Variants in EME2 observed in about 807,000 individuals in gnomAD.
The protein encoded by EME2 is essential meiotic structure-specific endonuclease subunit 2, also known as structure-specific endonuclease subunit EME2.
In EME2, 58 loss-of-function variants were observed where a neutral mutation model predicts 41.9. That is an observed-to-expected ratio of 1.38 (90% CI 1.12 to 1.72). The LOEUF is 1.72. Among genes scored for constraint, EME2 ranks in the 40% most tolerant of loss-of-function variants. EME2 has a pLI of 0.00. For synonymous variants in EME2, 334 were observed against 239.3 expected (o/e 1.40, Z -3.65); for missense variants, 695 against 541.9 (o/e 1.28, Z -2.81).
rs772885888 is a variant in EME2, at chr16:1,775,326, A to C, written c.581A>C (p.His194Pro). The C allele has an allele frequency of 7.5e-6, 12 of 1,610,304 alleles. No homozygotes were observed. The highest frequency in any genetic ancestry group is 9.3e-6 in the Non-Finnish European group (11 of 1,179,988). ...GLDAYLWSRQ[H>P]VSRGTQQPES... ...TCACCTCTGCTCAGGTCTCGCCAGC[A>C]CGTTTCCCGGGGGACACAGCAGCCA... The change falls in exon 5 of 8, where the codon CAC becomes CCC. Residue 194 changes from histidine (H) to proline (P), a missense_variant. By Grantham distance (77) the His-to-Pro change is moderately conservative (BLOSUM62 -2). Coordinates refer to ENST00000568449, the MANE Select transcript of EME2 (RefSeq NM_001257370.2).
At chr16:1,774,830 G>A (rs1353009576) in intron 3 of EME2, 6 of 628,160 alleles carry the variant, frequency 9.6e-6, no homozygotes, top group East Asian at 2.6e-5. Flanking sequence ...ACATGTGCCC[G>A]AGCAGCCACT....
chr16:1,774,132 T>TAGAGC, intron 2 of EME2, 128 bp from the exon 3 acceptor site: 1 of 856,592 alleles, frequency 1.2e-6, no homozygotes, highest in East Asian at 2.5e-5. Context: ...TGGGCTTCTG[T>TAGAGC]AGAGCAGGCC....
chr16:1,781,200 G>A lies in EME2; in HGVS notation c.*4962G>A, dbSNP rs181744265. On this transcript the variant is annotated 3_prime_UTR_variant, in exon 8 of 8. Coordinates refer to ENST00000568449, the MANE Select transcript of EME2 (RefSeq NM_001257370.2). The stretch of plus-strand genomic sequence containing the variant: ...CAAATTAAAGAGTCTTACTGAATGC[G>A]GTGCATCCAGGAGACAGGCCCAGGT... The A allele has an allele frequency of 2.2e-4, 349 of 1,556,478 alleles. 1 individual carries two copies. The African/African-American group carries it at 3.4e-3, about 15-fold the overall frequency.
At position 1,777,435 on chromosome 16, in the gene EME2, C is replaced by A. The variant is rs1167112370; in HGVS notation, c.*1197C>A. On this transcript the variant is annotated 3_prime_UTR_variant, in exon 8 of 8. Coordinates refer to ENST00000568449, the MANE Select transcript of EME2 (RefSeq NM_001257370.2). Reference sequence around the variant, plus strand: ...AATCTCTTGTTCTGCAGCTTGGTGGCTGCCACACCTGGAAGGGAGGGGCCC... The same window carrying A: ...AATCTCTTGTTCTGCAGCTTGGTGGATGCCACACCTGGAAGGGAGGGGCCC... 3 of 1,516,116 alleles carry A rather than the reference C, an allele frequency of 2.0e-6. No individual in the cohort carries two copies. Among genetic ancestry groups the A allele is most frequent in the African/African-American group, 2.7e-5 (2 of 73,088 alleles). 93.9% of individuals were successfully genotyped at this position (1,516,116 alleles called of 1,614,324 possible). A position where few individuals can be genotyped will look rare whatever the true frequency, so the allele number is the denominator to read the frequency against.
rs2042753884 is a variant in EME2 at position 1,778,889 on chromosome 16, A to G, written c.*2651A>G. On this transcript the variant is annotated 3_prime_UTR_variant, in exon 8 of 8. Coordinates refer to ENST00000568449, the MANE Select transcript of EME2 (RefSeq NM_001257370.2). Reference sequence around the variant, plus strand: ...TCCAAGTGGTTTCTAGACGGTGGATAAGCCCCAGGTCCACCCCACCTGCCC... The same window carrying G: ...TCCAAGTGGTTTCTAGACGGTGGATGAGCCCCAGGTCCACCCCACCTGCCC... 2 of 361,512 alleles carry G rather than the reference A, an allele frequency of 5.5e-6. No homozygotes were observed. Among genetic ancestry groups the G allele is most frequent in the African/African-American group, 2.1e-5 (1 of 47,600 alleles). The allele number at this position is 361,512 out of a possible 1,614,324, so 22.4% of individuals were successfully genotyped here.
In EME2 at chr16:1,773,344, G is replaced by C; in HGVS notation, c.117G>C (p.Glu39Asp). The C allele has an allele frequency of 6.6e-7, 1 of 1,519,678 alleles. No individual in the cohort carries two copies. Among genetic ancestry groups the C allele is most frequent in the Non-Finnish European group, 8.7e-7 (1 of 1,143,780 alleles). 94.1% of individuals were successfully genotyped at this position (1,519,678 alleles called of 1,614,324 possible). A position where few individuals can be genotyped will look rare whatever the true frequency, so the allele number is the denominator to read the frequency against. The change falls in exon 1 of 8, where the codon GAG becomes GAC. Residue 39 changes from glutamate (E) to aspartate (D), a missense_variant. Glu to Asp is a conservative substitution (Grantham distance 45). Coordinates refer to ENST00000568449, the MANE Select transcript of EME2 (RefSeq NM_001257370.2). Reference sequence around the variant, plus strand: ...GGGAGATCTCAGACTCCGACGCTGAGGACTCCGCCGGCTCGGAGGCCGCCG... The same window carrying C: ...GGGAGATCTCAGACTCCGACGCTGACGACTCCGCCGGCTCGGAGGCCGCCG... ...PTWEISDSDA[E>D]DSAGSEAAAR...
rs1478140928 is a variant in EME2, at chr16:1,775,794, C to T, written c.780-3C>T. On this transcript the variant is annotated splice_polypyrimidine_tract_variant and splice_region_variant and intron_variant, in intron 6 of 7. Transcript: ENST00000568449. ...GTTCTAAAAGGCTTCTCTCTGTCCCCAGGCAGTACCGGGAATCCCAGGCCT... is the reference window on the plus strand; with the variant it reads ...GTTCTAAAAGGCTTCTCTCTGTCCCTAGGCAGTACCGGGAATCCCAGGCCT... 6.2e-7 allele frequency: 1 copy of T among 1,612,310 alleles called. No individual in the cohort carries two copies. Among genetic ancestry groups the T allele is most frequent in the Non-Finnish European group, 8.5e-7 (1 of 1,179,666 alleles).
intron 3 of EME2, 159 bp from the exon 4 acceptor site, chr16:1,774,882 A>G: frequency 1.5e-6 from 1 of 685,852 alleles, no homozygotes; most frequent in Non-Finnish European, 2.6e-6. Context: ...GGAGGCACAG[A>G]GCTGGTTTTC....
intron 7 of EME2, 27 bp from the exon 8 acceptor site, chr16:1,776,041 C>G (rs1367661345): frequency 6.2e-7 from 1 of 1,604,944 alleles, no homozygotes; most frequent in African/African-American, 1.3e-5. Flanking sequence ...TCCCCAGGCG[C>G]CCTCTCATGC....
Position 1,777,564 on chromosome 16 carries a change from G to A in EME2, c.*1326G>A. On this transcript the variant is annotated 3_prime_UTR_variant, in exon 8 of 8. Coordinates refer to ENST00000568449, the MANE Select transcript of EME2 (RefSeq NM_001257370.2). ...CAGCTGGCACAGCTGAGGCAAGGCA[G>A]GGTGCACGCGCTGGCCCTGCCACTC... is the stretch of plus-strand genomic sequence containing the variant. 1 of 1,345,050 alleles carries A rather than the reference G, an allele frequency of 7.4e-7. No individual in the cohort carries two copies. The highest frequency in any genetic ancestry group is 9.9e-7 in the Non-Finnish European group (1 of 1,009,422). 83.3% of individuals were successfully genotyped at this position (1,345,050 alleles called of 1,614,324 possible). A position where few individuals can be genotyped will look rare whatever the true frequency, so the allele number is the denominator to read the frequency against.
At position 1,777,521 on chromosome 16, in the gene EME2, T is replaced by C; in HGVS notation, c.*1283T>C. On this transcript the variant is annotated 3_prime_UTR_variant, in exon 8 of 8. Transcript: ENST00000568449. ...GGGCGCAGCCCCTCAGACCTCACGC[T>C]ACAGTCACCCGGGTGGGCAGCTGGC... 1.4e-6 allele frequency: 2 copies of C among 1,405,768 alleles called. No homozygotes were observed. Among genetic ancestry groups the C allele is most frequent in the Middle Eastern group, 2.6e-4 (1 of 3,890 alleles). The allele number at this position is 1,405,768 out of a possible 1,614,324, so 87.1% of individuals were successfully genotyped here.
In EME2 at chr16:1,776,368, C is replaced by T. The variant is rs564906211; in HGVS notation, c.*130C>T. ...GGTTCTCTGGCTGAGCAGGTCTGAC[C>T]TCAGGGGAAGGGTGGGTGGTTGCAG... On this transcript the variant is annotated 3_prime_UTR_variant, in exon 8 of 8. Transcript: ENST00000568449. The T allele has an allele frequency of 2.4e-6, 2 of 835,262 alleles. No homozygotes were observed. Among genetic ancestry groups the T allele is most frequent in the East Asian group, 2.6e-5 (1 of 38,438 alleles). 51.7% of individuals were successfully genotyped at this position (835,262 alleles called of 1,614,324 possible). A position where few individuals can be genotyped will look rare whatever the true frequency, so the allele number is the denominator to read the frequency against.
rs2141979826 is a variant in EME2 at position 1,772,975 on chromosome 16, G to A, written c.-253G>A. ...TCGGCCCAGGCCCGGACCGGCAGCC[G>A]GCGTCCAGAGAACGGCCGCGTCAAG... On this transcript the variant is annotated 5_prime_UTR_variant, in exon 1 of 8. Coordinates refer to ENST00000568449, the MANE Select transcript of EME2 (RefSeq NM_001257370.2). 6.9e-7 allele frequency: 1 copy of A among 1,448,994 alleles called. No homozygotes were observed. Among genetic ancestry groups the A allele is most frequent in the Non-Finnish European group, 9.1e-7 (1 of 1,103,226 alleles). The allele number at this position is 1,448,994 out of a possible 1,614,324, so 89.8% of individuals were successfully genotyped here.
intron 3 of EME2, 96 bp downstream of exon 3, chr16:1,774,448 G>A: frequency 2.0e-6 from 2 of 981,834 alleles, no homozygotes; most frequent in South Asian, 1.3e-5. Context: ...CTGTAGACGG[G>A]GCTGGAGGGG....
intron 3 of EME2, chr16:1,774,813 G>A (rs1245882626): frequency 3.3e-6 from 2 of 601,828 alleles, no homozygotes; most frequent in African/African-American, 3.7e-5. Context: ...GGGGCTCAAT[G>A]GAACTGACAT....
rs377305101 is a variant in EME2 at position 1,775,385 on chromosome 16, G to A, written c.640G>A (p.Val214Ile). ...SPKVAGAEVA[V>I]SWPEVEEALV... ...GAAGGTGGCCGGTGCCGAGGTGGCC[G>A]TCAGCTGGCCGGAGGTGGAAGAGGT... The change falls in exon 5 of 8, where the codon GTC becomes ATC. Residue 214 changes from valine (V) to isoleucine (I), a missense_variant. By Grantham distance (29) the Val-to-Ile change is conservative (BLOSUM62 3). Coordinates refer to ENST00000568449, the MANE Select transcript of EME2 (RefSeq NM_001257370.2). 7.4e-6 allele frequency: 12 copies of A among 1,612,390 alleles called. 1 individual carries two copies. In the East Asian group the frequency reaches 1.1e-4, roughly 15 times the overall value.
chr16:1,777,969 T>A lies in EME2; in HGVS notation c.*1731T>A. 1 of 1,612,946 alleles carries A rather than the reference T, an allele frequency of 6.2e-7. No individual in the cohort carries two copies. The highest frequency in any genetic ancestry group is 8.5e-7 in the Non-Finnish European group (1 of 1,179,908). On this transcript the variant is annotated 3_prime_UTR_variant, in exon 8 of 8. Transcript: ENST00000568449. ...ACCCGTGTAGGAGAGGCCCCAGCTG[T>A]CCTCATCCCTGCCCAGCAGGCTGCA...
Position 1,776,349 on chromosome 16 carries a change from C to A in EME2, c.*111C>A, listed in dbSNP as rs117602367. ...TGGACCCTCAGCCTGGGTGGGTTCT[C>A]TGGCTGAGCAGGTCTGACCTCAGGG... On this transcript the variant is annotated 3_prime_UTR_variant, in exon 8 of 8. Transcript: ENST00000568449. 6.1e-6 allele frequency: 7 copies of A among 1,140,842 alleles called. No homozygotes were observed. In the African/African-American group the frequency reaches 6.1e-5, roughly 10 times the overall value. 70.7% of individuals were successfully genotyped at this position (1,140,842 alleles called of 1,614,324 possible).
rs1429199433 is a variant in EME2 at position 1,778,362 on chromosome 16, A to G, written c.*2124A>G. The G allele has an allele frequency of 1.2e-6, 2 of 1,610,478 alleles. No homozygotes were observed. The highest frequency in any genetic ancestry group is 1.1e-5 in the South Asian group (1 of 90,978). Reference sequence around the variant, plus strand: ...AGGCTGGGGCAGCCCTGAGAGCTCCATGGGGCTCTGCCCTGCCCACCCCCA... The same window carrying G: ...AGGCTGGGGCAGCCCTGAGAGCTCCGTGGGGCTCTGCCCTGCCCACCCCCA... On this transcript the variant is annotated 3_prime_UTR_variant, in exon 8 of 8. Transcript: ENST00000568449.
Sources: gnomAD v4.1 joint callset for allele counts on GRCh38, gnomAD v4.1.1 for gene constraint, MANE v1.5 for transcripts, NCBI Gene and HGNC (gene_info 2026-07-23, HGNC 2026-07-21) for gene names.